SLIT3: variants seen among roughly 807,000 people sequenced by gnomAD.
The protein encoded by SLIT3 is slit homolog 3 protein.
SLIT3 carries 68 observed loss-of-function variants against 184.0 expected under a neutral mutation model. That is an observed-to-expected ratio of 0.37 (90% CI 0.30 to 0.45). The LOEUF (loss-of-function observed/expected upper bound fraction) is 0.45. Ranked by LOEUF, SLIT3 falls within the 20% of genes least tolerant of loss-of-function variation. SLIT3 has a pLI of 1.00. For missense variants in SLIT3, 1,707 were observed against 2,026.0 expected (o/e 0.84, Z 3.02); for synonymous variants, 831 against 828.6 (o/e 1.00, Z -0.05).
intron 4 of SLIT3, among the ~76,000 whole-genome samples, chr5:168,906,986 G>A (rs1011268681): frequency 1.3e-5 from 2 of 151,938 alleles, no homozygotes; most frequent in Non-Finnish European, 2.9e-5. Context: ...TCAGCCTCCC[G>A]AGTAGCTGGG....
chr5:169,210,979 T>C (rs2113510623), intron 3 of SLIT3, among the ~76,000 whole-genome samples: 1 of 152,274 alleles, frequency 6.6e-6, no homozygotes, highest in African/African-American at 2.4e-5. Flanking sequence ...TGAGCAGAGA[T>C]TTTAAATGTG....
chr5:168,966,273 T>C (rs1232013558), intron 4 of SLIT3, among the ~76,000 whole-genome samples: 1 of 152,130 alleles, frequency 6.6e-6, no homozygotes, highest in African/African-American at 2.4e-5. Context: ...CCTGCTCTTC[T>C]CAAATGGGAC....
intron 4 of SLIT3, among the ~76,000 whole-genome samples, chr5:169,117,178 G>C (rs1008500230): frequency 6.6e-6 from 1 of 152,130 alleles, no homozygotes; most frequent in South Asian, 2.1e-4. Context: ...GTGTGTGCCT[G>C]CACTGTCCTA....
At chr5:169,273,141 A>G (rs1766688115) in intron 1 of SLIT3, among the ~76,000 whole-genome samples, 1 of 151,904 alleles carries the variant, frequency 6.6e-6, no homozygotes, top group African/African-American at 2.4e-5. Flanking sequence ...CAGCCATACT[A>G]CCTGCATTCA....
chr5:169,299,234 T>C (rs948356285), intron 1 of SLIT3, among the ~76,000 whole-genome samples: 22 of 152,014 alleles, frequency 1.4e-4, no homozygotes, highest in Admixed American at 1.4e-3. Flanking sequence ...AAAAAAGTAC[T>C]GAGCCAAAGG....
chr5:169,171,292 C>G (rs1362619732), intron 4 of SLIT3, among the ~76,000 whole-genome samples: 3 of 152,236 alleles, frequency 2.0e-5, no homozygotes, highest in Non-Finnish European at 4.4e-5. Context: ...AGAACCCTCA[C>G]TCTTAAGAAC....
chr5:168,696,721 C>A (rs1359024367), intron 27 of SLIT3, among the ~76,000 whole-genome samples: 1 of 152,196 alleles, frequency 6.6e-6, no homozygotes, highest in Non-Finnish European at 1.5e-5. Context: ...CCGGTGTCAT[C>A]ATTCCCCCAG....
chr5:168,758,553 G>A (rs539845199), intron 16 of SLIT3, among the ~76,000 whole-genome samples: 1 of 152,280 alleles, frequency 6.6e-6, no homozygotes, highest in Admixed American at 6.5e-5. Flanking sequence ...GAAGCTAGTG[G>A]GGCACTGGAC....
At chr5:168,673,846 G>A (rs1167410606) in intron 32 of SLIT3, among the ~76,000 whole-genome samples, 2 of 152,086 alleles carry the variant, frequency 1.3e-5, no homozygotes, top group Non-Finnish European at 2.9e-5. Context: ...ATCATTATTT[G>A]TATTCTTTTC....
At chr5:168,687,255 C>A (rs890230764) in intron 29 of SLIT3, 139 bp from the exon 30 acceptor site, 3 of 958,244 alleles carry the variant, frequency 3.1e-6, no homozygotes, top group Non-Finnish European at 4.7e-6. Context: ...CAAAGCCTGG[C>A]TCCACAGCAG....
intron 4 of SLIT3, among the ~76,000 whole-genome samples, chr5:168,919,764 G>T (rs1002802311): frequency 6.6e-6 from 1 of 151,934 alleles, no homozygotes; most frequent in African/African-American, 2.4e-5. Context: ...ACTCCAAAAG[G>T]CTTTACTTTT....
chr5:168,947,478 G>C (rs532559910), intron 4 of SLIT3, among the ~76,000 whole-genome samples: 1 of 152,290 alleles, frequency 6.6e-6, no homozygotes, highest in Non-Finnish European at 1.5e-5. Flanking sequence ...TGTTGCATGG[G>C]ACTGTGGCCC....
intron 12 of SLIT3, among the ~76,000 whole-genome samples, chr5:168,781,932 C>T (rs1482501242): frequency 2.0e-5 from 3 of 152,162 alleles, no homozygotes. Context: ...TTCCACAACA[C>T]CTTCCTCTTA....
At chr5:169,295,541 T>C (rs1767475043) in intron 1 of SLIT3, among the ~76,000 whole-genome samples, 2 of 152,204 alleles carry the variant, frequency 1.3e-5, no homozygotes, top group South Asian at 4.1e-4. Context: ...ACAGCAATAG[T>C]GTAACATGCC....
intron 1 of SLIT3, among the ~76,000 whole-genome samples, chr5:169,287,826 C>T (rs1364372582): frequency 1.3e-5 from 2 of 152,132 alleles, no homozygotes; most frequent in Non-Finnish European, 2.9e-5. Context: ...GTGAATGCTG[C>T]CTGAGAACCT....
chr5:169,167,314 A>G (rs10078238), intron 4 of SLIT3, among the ~76,000 whole-genome samples: 10,235 of 117,992 alleles, frequency 0.087, 1,484 homozygotes, highest in African/African-American at 0.31. Flanking sequence ...TCACTCTGTC[A>G]CCCAGGCTGG....
intron 8 of SLIT3, among the ~76,000 whole-genome samples, chr5:168,806,800 A>G (rs1756980252): frequency 6.6e-6 from 1 of 152,164 alleles, no homozygotes; most frequent in Admixed American, 6.5e-5. Context: ...TCACTGTTTG[A>G]GTTGCTCCGC....
chr5:169,072,879 T>C (rs1040014843), intron 4 of SLIT3, among the ~76,000 whole-genome samples: 1 of 152,214 alleles, frequency 6.6e-6, no homozygotes, highest in Non-Finnish European at 1.5e-5. Context: ...CATTTGACTC[T>C]GCAGGAGACC....
intron 1 of SLIT3, among the ~76,000 whole-genome samples, chr5:169,286,593 G>A (rs1767155610): frequency 6.6e-6 from 1 of 152,202 alleles, no homozygotes; most frequent in Non-Finnish European, 1.5e-5. Flanking sequence ...GAGGTCAAAT[G>A]ACTTGTCCAA....
Sources: allele counts gnomAD v4.1 joint callset (sites outside exome capture counted in the v4.1 genomes callset), GRCh38; gene constraint gnomAD v4.1.1; transcripts MANE v1.5; gene names NCBI Gene and HGNC (gene_info 2026-07-23, HGNC 2026-07-21).